Variants in ADAM2 observed in about 807,000 individuals in gnomAD.
ADAM2 encodes disintegrin and metalloproteinase domain-containing protein 2.
ADAM2 carries 101 observed loss-of-function variants against 99.3 expected under a neutral mutation model. That is an observed-to-expected ratio of 1.02 (90% CI 0.87 to 1.20). The LOEUF is 1.20. Ranked by LOEUF, ADAM2 falls within the 50% of genes most tolerant of loss-of-function variation. The pLI is 0.00. For missense variants in ADAM2, 948 were observed against 878.7 expected (o/e 1.08, Z -1.00); for synonymous variants, 323 against 287.6 (o/e 1.12, Z -1.25).
chr8:39,825,292 T>C (rs567369199), intron 3 of ADAM2, among the ~76,000 whole-genome samples: 3 of 152,332 alleles, frequency 2.0e-5, no homozygotes, highest in South Asian at 2.1e-4. Flanking sequence ...CACCAAAGCA[T>C]AGGATTTTTA....
chr8:39,795,391 C>T (rs1256516117), intron 7 of ADAM2, among the ~76,000 whole-genome samples: 1 of 152,132 alleles, frequency 6.6e-6, no homozygotes, highest in East Asian at 1.9e-4. Flanking sequence ...TGATAAGAAA[C>T]ATTTACAATC....
rs948506812 is a variant in ADAM2, at chr8:39,753,163, G to A, written c.1797+2565C>T. On this transcript the variant is annotated intron_variant, in intron 16 of 20. Coordinates refer to ENST00000265708, the MANE Select transcript of ADAM2 (RefSeq NM_001464.5). ...TGTTGAATGGCTTTGATCAAAATGC[G>A]CTTAGTGATATGAACAATGAAGTCC... 4.9e-4 allele frequency among the ~76,000 whole-genome samples: 75 copies of A among 152,242 alleles called. 1 individual carries two copies. The highest frequency in any genetic ancestry group is 1.6e-3 in the African/African-American group (67 of 41,546).
chr8:39,790,053 G>T (rs1440207923), intron 7 of ADAM2, among the ~76,000 whole-genome samples: 1 of 151,816 alleles, frequency 6.6e-6, no homozygotes, highest in African/African-American at 2.4e-5. Flanking sequence ...TGTTGGTGAG[G>T]ATGTGAAGAA....
Position 39,836,681 on chromosome 8 carries a change from T to G in ADAM2, c.132+455A>C, listed in dbSNP as rs535159075. On this transcript the variant is annotated intron_variant, in intron 2 of 20. Transcript: ENST00000265708. ...TGAACTAAAATAATCTAAAATAGCATGAAAGAAAGAGTTCTAATCATTAAC... is the reference window on the plus strand; with the variant it reads ...TGAACTAAAATAATCTAAAATAGCAGGAAAGAAAGAGTTCTAATCATTAAC... 3.3e-5 allele frequency among the ~76,000 whole-genome samples: 5 copies of G among 152,298 alleles called. No homozygotes were observed. In the East Asian group the frequency reaches 9.6e-4, roughly 29 times the overall value.
intron 6 of ADAM2, among the ~76,000 whole-genome samples, chr8:39,819,825 G>A (rs1805104647): frequency 6.6e-6 from 1 of 151,786 alleles, no homozygotes. Context: ...CTCCCTCTCT[G>A]TGTATGTACA....
At chr8:39,835,498 C>A (rs1051246806) in intron 2 of ADAM2, among the ~76,000 whole-genome samples, 1 of 151,968 alleles carries the variant, frequency 6.6e-6, no homozygotes, top group Non-Finnish European at 1.5e-5. Context: ...TCCTGACCAA[C>A]GGTGAAACCC....
chr8:39,781,736 A>T (rs966162186), intron 10 of ADAM2, among the ~76,000 whole-genome samples: 4 of 152,360 alleles, frequency 2.6e-5, no homozygotes, highest in African/African-American at 9.6e-5. Flanking sequence ...TGATTTTAAA[A>T]TGGAAATGCA....
At chr8:39,832,325 C>A (rs1019045615) in intron 3 of ADAM2, among the ~76,000 whole-genome samples, 1 of 152,094 alleles carries the variant, frequency 6.6e-6, no homozygotes, top group Admixed American at 6.5e-5. Flanking sequence ...GTTGGCCATG[C>A]CTGAAACTAA....
chr8:39,799,282 A>T (rs1359052630), intron 7 of ADAM2, among the ~76,000 whole-genome samples: 1 of 152,090 alleles, frequency 6.6e-6, no homozygotes, highest in Admixed American at 6.6e-5. Flanking sequence ...TTTCTGCCTT[A>T]ATTTCATTAT....
At chr8:39,775,111 C>T (rs1340220498) in intron 11 of ADAM2, among the ~76,000 whole-genome samples, 2 of 152,104 alleles carry the variant, frequency 1.3e-5, no homozygotes, top group East Asian at 1.9e-4. Context: ...AGAATTTTCC[C>T]TAGTTGGTCA....
chr8:39,809,766 A>G (rs563886982), intron 6 of ADAM2, among the ~76,000 whole-genome samples: 1 of 152,290 alleles, frequency 6.6e-6, no homozygotes, highest in Admixed American at 6.5e-5. Flanking sequence ...CTGCCTTACA[A>G]GAGCTCCTGA....
chr8:39,755,670 C>CA, intron 16 of ADAM2, 58 bp downstream of exon 16: 1 of 1,387,366 alleles, frequency 7.2e-7, no homozygotes, highest in Non-Finnish European at 1.0e-6. Context: ...ACACTCATCT[C>CA]AAAAAAGGGC....
intron 6 of ADAM2, among the ~76,000 whole-genome samples, chr8:39,813,228 T>C (rs1804777589): frequency 6.6e-6 from 1 of 152,126 alleles, no homozygotes; most frequent in Non-Finnish European, 1.5e-5. Context: ...AGATACCATC[T>C]CACACCAGTT....
At chr8:39,809,358 C>A in intron 7 of ADAM2, 52 bp downstream of exon 7, 1 of 759,440 alleles carries the variant, frequency 1.3e-6, no homozygotes, top group Admixed American at 2.5e-5. Flanking sequence ...ATTATTATTA[C>A]AATCCCTCAT....
intron 20 of ADAM2, among the ~76,000 whole-genome samples, 193 bp downstream of exon 20, chr8:39,744,637 G>A (rs1242425578): frequency 2.0e-5 from 3 of 152,096 alleles, no homozygotes; most frequent in African/African-American, 7.2e-5. Flanking sequence ...CCTGTCGGGG[G>A]TTGGGAGGCA....
intron 12 of ADAM2, among the ~76,000 whole-genome samples, chr8:39,768,809 G>A (rs1018639054): frequency 1.3e-5 from 2 of 152,066 alleles, no homozygotes; most frequent in Admixed American, 6.5e-5. Flanking sequence ...TGCTTACCAG[G>A]GACTTCAGGG....
At chr8:39,790,168 C>T (rs999412243) in intron 7 of ADAM2, among the ~76,000 whole-genome samples, 2 of 151,894 alleles carry the variant, frequency 1.3e-5, no homozygotes, top group Non-Finnish European at 2.9e-5. Flanking sequence ...CAAAAATTCA[C>T]AGTTCTCATT....
chr8:39,771,814 A>G (rs956520243), intron 11 of ADAM2, among the ~76,000 whole-genome samples: 1 of 152,096 alleles, frequency 6.6e-6, no homozygotes, highest in East Asian at 1.9e-4. Flanking sequence ...AACCATATAG[A>G]AAAAAACTGA....
intron 6 of ADAM2, among the ~76,000 whole-genome samples, chr8:39,819,916 T>C (rs1805108262): frequency 6.6e-6 from 1 of 152,038 alleles, no homozygotes; most frequent in Non-Finnish European, 1.5e-5. Flanking sequence ...AGGAATGAGG[T>C]GCCAAGAAAA....
Sources: gnomAD v4.1 joint callset for allele counts (sites outside exome capture counted in the v4.1 genomes callset) on GRCh38, gnomAD v4.1.1 for gene constraint, MANE v1.5 for transcripts, NCBI Gene and HGNC (gene_info 2026-07-23, HGNC 2026-07-21) for gene names.